CDH6: variants seen among roughly 807,000 people sequenced by gnomAD.
The protein encoded by CDH6 is cadherin-6.
In CDH6, 31 loss-of-function variants were observed where a neutral mutation model predicts 78.0. The ratio of observed to expected loss-of-function variants is 0.40; its 90% CI spans 0.30 to 0.54. The LOEUF (loss-of-function observed/expected upper bound fraction) is 0.54, where lower values mean the gene tolerates loss of function less well. CDH6 is among the 20% of genes least tolerant of loss of function. The pLI is 0.56. For synonymous variants in CDH6, 376 were observed against 368.8 expected (o/e 1.02, Z -0.23); for missense variants, 724 against 975.9 (o/e 0.74, Z 3.44).
intron 1 of CDH6, among the ~76,000 whole-genome samples, chr5:31,221,852 TAGG>T (rs1022289279): frequency 9.2e-5 from 14 of 152,172 alleles, no homozygotes; most frequent in African/African-American, 2.7e-4. Flanking sequence ...CATTACGAGT[TAGG>T]AGTTTTTGAG....
intron 1 of CDH6, among the ~76,000 whole-genome samples, chr5:31,210,128 T>G (rs1740654496): frequency 6.7e-6 from 1 of 148,342 alleles, no homozygotes; most frequent in Non-Finnish European, 1.5e-5. Flanking sequence ...GGCAAATACT[T>G]GAACAAAACT....
intron 1 of CDH6, among the ~76,000 whole-genome samples, chr5:31,216,628 G>T (rs1374533231): frequency 1.4e-5 from 2 of 145,634 alleles, no homozygotes; most frequent in African/African-American, 5.1e-5. Flanking sequence ...TTACTATCTG[G>T]CCCTTTAGAA....
At chr5:31,318,219 C>T (rs1056604801) in intron 11 of CDH6, 39 of 582,868 alleles carry the variant, frequency 6.7e-5, no homozygotes, top group Non-Finnish European at 1.1e-4. Context: ...CATAAATGTG[C>T]CCTTTTCATT....
At chr5:31,194,158 G>A (rs1221953002) in intron 1 of CDH6, among the ~76,000 whole-genome samples, 4 of 152,052 alleles carry the variant, frequency 2.6e-5, no homozygotes, top group Non-Finnish European at 5.9e-5. Context: ...CCGATCCGCC[G>A]TGGGGCTGGG....
intron 1 of CDH6, among the ~76,000 whole-genome samples, chr5:31,226,860 T>C (rs1023944605): frequency 2.6e-5 from 4 of 152,208 alleles, no homozygotes; most frequent in Non-Finnish European, 5.9e-5. Context: ...TCCTCATTAT[T>C]ATGCAATCAA....
intron 2 of CDH6, among the ~76,000 whole-genome samples, chr5:31,291,187 C>T (rs930771345): frequency 2.0e-5 from 3 of 152,004 alleles, no homozygotes; most frequent in African/African-American, 7.3e-5. Context: ...TAGCAATTGC[C>T]CCCCGCCGCC....
At chr5:31,303,019 T>G (rs1398475303) in intron 6 of CDH6, among the ~76,000 whole-genome samples, 1 of 151,470 alleles carries the variant, frequency 6.6e-6, no homozygotes, top group Non-Finnish European at 1.5e-5. Flanking sequence ...ATCTCTTGGG[T>G]TGGCTTTCAG....
chr5:31,322,160 G>A (rs1738491741), intron 11 of CDH6, among the ~76,000 whole-genome samples: 1 of 152,186 alleles, frequency 6.6e-6, no homozygotes, highest in African/African-American at 2.4e-5. Context: ...AATATGGCAT[G>A]TGGATTCTTA....
intron 5 of CDH6, 82 bp from the exon 6 acceptor site, chr5:31,302,029 T>C: frequency 2.3e-6 from 2 of 863,538 alleles, no homozygotes; most frequent in East Asian, 2.6e-5. Context: ...CTTAAAGAAC[T>C]GTTAGAGAAT....
intron 2 of CDH6, among the ~76,000 whole-genome samples, chr5:31,272,717 AC>A (rs757864651): frequency 3.9e-5 from 6 of 152,222 alleles, no homozygotes; most frequent in East Asian, 1.9e-4. Context: ...ATGTTCTTTA[AC>A]CCCTCCTTCC....
intron 1 of CDH6, among the ~76,000 whole-genome samples, chr5:31,263,262 T>C (rs900192487): frequency 2.0e-5 from 3 of 149,340 alleles, no homozygotes; most frequent in African/African-American, 7.4e-5. Context: ...CTCTCTTCTT[T>C]TTTTTTTTTT....
chr5:31,196,194 G>C lies in CDH6; in HGVS notation c.-129+2308G>C, dbSNP rs188376355. ...TCAGCTTTGCAAGGAAAAACTTAGTGAGGCACTCTTCCTTTTTAAGAAAAA... is the reference window on the plus strand; with the variant it reads ...TCAGCTTTGCAAGGAAAAACTTAGTCAGGCACTCTTCCTTTTTAAGAAAAA... On this transcript the variant is annotated intron_variant, in intron 1 of 11. Coordinates refer to ENST00000265071, the MANE Select transcript of CDH6 (RefSeq NM_004932.4). 4.9e-3 allele frequency among the ~76,000 whole-genome samples: 747 copies of C among 152,264 alleles called. 5 individuals carry two copies. The highest frequency in any genetic ancestry group is 0.013 in the Admixed American group (197 of 15,302).
chr5:31,322,614 C>A (rs1738500515), intron 11 of CDH6, among the ~76,000 whole-genome samples: 1 of 152,162 alleles, frequency 6.6e-6, no homozygotes, highest in Admixed American at 6.5e-5. Flanking sequence ...TAAATTATAA[C>A]CTTCTTTCAA....
chr5:31,238,231 A>C lies in CDH6; in HGVS notation c.-128-29115A>C, dbSNP rs188343327. Among the ~76,000 whole-genome samples, 185 of 152,300 alleles carry C rather than the reference A, an allele frequency of 1.2e-3. 2 individuals are homozygous for C. The highest frequency in any genetic ancestry group is 4.1e-3 in the African/African-American group (169 of 41,576). ...TTGTCAGAGGGTGGCAGCTGATGAT[A>C]ATTTAATCAAATTCTATTGTGCATT... is the stretch of plus-strand genomic sequence containing the variant. On this transcript the variant is annotated intron_variant, in intron 1 of 11. Transcript: ENST00000265071.
intron 1 of CDH6, among the ~76,000 whole-genome samples, chr5:31,213,546 C>T (rs1038194655): frequency 1.3e-5 from 2 of 152,128 alleles, no homozygotes; most frequent in Non-Finnish European, 2.9e-5. Flanking sequence ...CGATAAACTG[C>T]TGCTTAAACA....
chr5:31,214,596 G>A (rs1237447801), intron 1 of CDH6, among the ~76,000 whole-genome samples: 2 of 152,268 alleles, frequency 1.3e-5, no homozygotes, highest in Non-Finnish European at 2.9e-5. Context: ...AATCACATTG[G>A]AAGAAAATCA....
intron 9 of CDH6, 82 bp downstream of exon 9, chr5:31,316,411 G>C: frequency 8.0e-7 from 1 of 1,244,630 alleles, no homozygotes; most frequent in Non-Finnish European, 1.1e-6. Context: ...TCACAGAGCT[G>C]AAGGAGAGTT....
chr5:31,323,203 G>A lies in CDH6; in HGVS notation c.2268G>A (p.Val756=), dbSNP rs1295333043. 5.6e-6 allele frequency: 9 copies of A among 1,614,170 alleles called. No individual in the cohort carries two copies. Among genetic ancestry groups the A allele is most frequent in the Non-Finnish European group, 5.9e-6 (7 of 1,180,024 alleles). ...VADSLSSLES[V]TTDADQDYDY... is the part of the protein sequence containing the mutation. ...ATTCCCTGAGCTCGCTGGAGTCAGT[G>A]ACCACGGATGCAGATCAAGACTATG... The change falls in exon 12 of 12, where the codon GTG becomes GTA. Residue 756 remains valine, a synonymous_variant. Transcript: ENST00000265071.
chr5:31,237,582 A>G (rs1379055568), intron 1 of CDH6, among the ~76,000 whole-genome samples: 1 of 152,154 alleles, frequency 6.6e-6, no homozygotes, highest in African/African-American at 2.4e-5. Flanking sequence ...AGCATTTTTG[A>G]TAGGTTGACC....
Sources: gnomAD v4.1 joint callset for allele counts (sites outside exome capture counted in the v4.1 genomes callset) on GRCh38, gnomAD v4.1.1 for gene constraint, MANE v1.5 for transcripts, NCBI Gene and HGNC (gene_info 2026-07-23, HGNC 2026-07-21) for gene names.